The following RANBP2 variants were observed in gnomAD, a reference collection of about 807,000 sequenced individuals.
RANBP2 encodes E3 SUMO-protein ligase RanBP2.
Under a neutral mutation model 303.6 loss-of-function variants are expected in RANBP2, and 57 were observed. That is an observed-to-expected ratio of 0.19 (90% confidence interval 0.15 to 0.23). The LOEUF (loss-of-function observed/expected upper bound fraction) is 0.23. Ranked by LOEUF, RANBP2 falls within the 10% of genes least tolerant of loss-of-function variation. The pLI, the probability that RANBP2 is intolerant of heterozygous loss-of-function variation, is 1.00. For missense variants in RANBP2, 3,138 were observed against 3,780.8 expected (o/e 0.83, Z 4.46); for synonymous variants, 1,167 against 1,301.5 (o/e 0.90, Z 2.23).
chr2:109,289,899 G>A, the RANBP2 span, among the ~76,000 whole-genome samples: 1 of 152,190 alleles, frequency 6.6e-6, no homozygotes, highest in Non-Finnish European at 1.5e-5. Context: ...GATTGCTGAG[G>A]TTCCTTCCAG....
At chr2:109,247,715 TG>T in the RANBP2 span, among the ~76,000 whole-genome samples, 5 of 152,340 alleles carry the variant, frequency 3.3e-5, no homozygotes, top group African/African-American at 1.2e-4. Flanking sequence ...TGTTTTTCCC[TG>T]TATCAGTTAG....
the RANBP2 span, among the ~76,000 whole-genome samples, chr2:109,064,408 A>G: frequency 7.3e-6 from 1 of 137,368 alleles, no homozygotes; most frequent in African/African-American, 2.7e-5. Flanking sequence ...GTGAGCTGAG[A>G]TCACGCCACT....
At chr2:109,348,066 T>C in the RANBP2 span, 2 of 1,377,428 alleles carry the variant, frequency 1.5e-6, no homozygotes, top group East Asian at 2.5e-5. Context: ...GAATCCTGGC[T>C]CCTCCCGGAA....
chr2:109,053,789 C>A, the RANBP2 span, among the ~76,000 whole-genome samples: 1 of 152,212 alleles, frequency 6.6e-6, no homozygotes, highest in Non-Finnish European at 1.5e-5. Flanking sequence ...GGGCGTGAGC[C>A]ATTTCTCCGG....
At chr2:109,267,709 C>G in the RANBP2 span, among the ~76,000 whole-genome samples, 1 of 152,216 alleles carries the variant, frequency 6.6e-6, no homozygotes, top group African/African-American at 2.4e-5. Context: ...CCTTCTTTTA[C>G]TCTCCCTTCC....
At chr2:108,905,519 C>T in the RANBP2 span, among the ~76,000 whole-genome samples, 3 of 123,732 alleles carry the variant, frequency 2.4e-5, no homozygotes, top group African/African-American at 6.3e-5. Context: ...TGCATTTGGC[C>T]TACGGTGGGG....
the RANBP2 span, among the ~76,000 whole-genome samples, chr2:108,921,812 T>C: frequency 6.6e-6 from 1 of 152,216 alleles, no homozygotes; most frequent in Admixed American, 6.5e-5. Context: ...ATTTCCCAGA[T>C]GGGCAAGCCG....
At chr2:109,700,279 T>C in the RANBP2 span, among the ~76,000 whole-genome samples, 1 of 152,194 alleles carries the variant, frequency 6.6e-6, no homozygotes, top group Non-Finnish European at 1.5e-5. Flanking sequence ...TTAGAAAGTT[T>C]TATTTTGCCA....
At chr2:109,487,209 G>A in the RANBP2 span, among the ~76,000 whole-genome samples, 1 of 152,192 alleles carries the variant, frequency 6.6e-6, no homozygotes, top group African/African-American at 2.4e-5. Flanking sequence ...GCCCAGATCA[G>A]CCCTAAATTG....
chr2:109,432,435 A>G, the RANBP2 span: 1 of 1,582,998 alleles, frequency 6.3e-7, no homozygotes, highest in Non-Finnish European at 8.6e-7. Context: ...TCCCCCCAGG[A>G]ATGCCGGCCG....
the RANBP2 span, chr2:108,798,428 T>C: frequency 1.2e-6 from 2 of 1,611,292 alleles, no homozygotes; most frequent in Non-Finnish European, 1.7e-6. Flanking sequence ...TTTGATACAG[T>C]GTGAAACTGC....
chr2:109,027,251 A>AC, the RANBP2 span, among the ~76,000 whole-genome samples: 1 of 150,958 alleles, frequency 6.6e-6, no homozygotes, highest in Non-Finnish European at 1.5e-5. Flanking sequence ...TCAAAAAAAA[A>AC]AAAAAAAAAA....
At chr2:108,846,614 C>A in the RANBP2 span, 25 of 723,092 alleles carry the variant, frequency 3.5e-5, no homozygotes, top group Admixed American at 5.0e-4. Context: ...GAGTTTGAGG[C>A]TGCAGTGAGC....
the RANBP2 span, among the ~76,000 whole-genome samples, chr2:108,919,292 G>A: frequency 3.3e-5 from 5 of 152,210 alleles, no homozygotes; most frequent in South Asian, 4.1e-4. Flanking sequence ...AGGGGACTTC[G>A]TCACTGATGA....
At chr2:109,606,668 T>TA in the RANBP2 span, among the ~76,000 whole-genome samples, 4 of 142,898 alleles carry the variant, frequency 2.8e-5, 1 homozygote, top group African/African-American at 1.0e-4. Flanking sequence ...CTAAAAATTT[T>TA]AAGCTTTTTT....
At position 108,782,866 on chromosome 2, in the gene RANBP2, G is replaced by A. The variant is rs139387463; in HGVS notation, c.9369+4G>A. 1.7e-3 allele frequency: 2,808 copies of A among 1,608,308 alleles called. 6 individuals carry two copies. Among genetic ancestry groups the A allele is most frequent in the Non-Finnish European group, 2.1e-3 (2,445 of 1,176,866 alleles). On this transcript the variant is annotated splice_donor_region_variant and intron_variant, in intron 28 of 28. Transcript: ENST00000283195. ...AATTCCAGATTTTGTTTGCCAAGTA[G>A]GTATTATTAAGTACATACCACAATT...
the RANBP2 span, among the ~76,000 whole-genome samples, chr2:109,060,125 G>A: frequency 6.6e-6 from 1 of 152,062 alleles, no homozygotes; most frequent in Admixed American, 6.6e-5. Context: ...ACAGCTGATT[G>A]AAAATGGAGA....
the RANBP2 span, among the ~76,000 whole-genome samples, chr2:109,235,790 T>TA: frequency 6.6e-6 from 1 of 152,220 alleles, no homozygotes; most frequent in Non-Finnish European, 1.5e-5. Flanking sequence ...TCCCTGTTCT[T>TA]ATTTCATCTT....
intron 7 of RANBP2, among the ~76,000 whole-genome samples, chr2:108,741,904 A>G (rs1451296210): frequency 6.6e-6 from 1 of 151,582 alleles, no homozygotes; most frequent in African/African-American, 2.4e-5. Context: ...CCACGCTTAG[A>G]AAAATGATTG....
Sources: gnomAD v4.1 joint callset for allele counts (sites outside exome capture counted in the v4.1 genomes callset) on GRCh38, gnomAD v4.1.1 for gene constraint, MANE v1.5 for transcripts, NCBI Gene and HGNC (gene_info 2026-07-23, HGNC 2026-07-21) for gene names.